RBFOX1: variants seen among roughly 807,000 people sequenced by gnomAD.
RBFOX1 encodes the protein RNA binding protein fox-1 homolog 1.
In RBFOX1, 8 loss-of-function variants were observed where a neutral mutation model predicts 57.7. The observed-to-expected ratio is 0.14, with a 90% CI of 0.08 to 0.25. RBFOX1 has a LOEUF of 0.25. Among genes scored for constraint, RBFOX1 ranks in the 10% least tolerant of loss-of-function variants. The probability of loss-of-function intolerance (pLI) is 1.00; values close to 1 mark genes in which losing one functional copy is unlikely to be tolerated. For missense variants in RBFOX1, 611 were observed against 548.5 expected, an observed-to-expected ratio of 1.11 and a Z score of -1.14; for synonymous variants, 326 against 222.4, an observed-to-expected ratio of 1.47 and a Z score of -4.15.
intron 3 of RBFOX1, among the ~76,000 whole-genome samples, chr16:7,006,978 C>T (rs965788337): frequency 6.6e-6 from 1 of 152,150 alleles, no homozygotes. Flanking sequence ...AGAAGTACCA[C>T]ACATTTGGCA....
At chr16:5,590,054 C>A (rs8053298) in intron 2 of RBFOX1, among the ~76,000 whole-genome samples, 30,580 of 151,770 alleles carry the variant, frequency 0.2, 3,423 homozygotes, top group African/African-American at 0.3. Flanking sequence ...GTTACACACA[C>A]ACACACACAC....
At chr16:7,400,233 T>C (rs2098218160) in intron 4 of RBFOX1, among the ~76,000 whole-genome samples, 1 of 152,114 alleles carries the variant, frequency 6.6e-6, no homozygotes, top group Non-Finnish European at 1.5e-5. Flanking sequence ...AATTGCACCT[T>C]CCCCAAAGCT....
chr16:5,436,352 A>G (rs1485904027), intron 1 of RBFOX1, among the ~76,000 whole-genome samples: 1 of 152,188 alleles, frequency 6.6e-6, no homozygotes, highest in African/African-American at 2.4e-5. Context: ...GGGCTACAGA[A>G]GAGACAGGGT....
chr16:6,968,342 T>G (rs1381320882), intron 3 of RBFOX1, among the ~76,000 whole-genome samples: 12 of 152,188 alleles, frequency 7.9e-5, no homozygotes, highest in African/African-American at 1.9e-4. Context: ...ACATTTCATT[T>G]CTTTTCCTTC....
At chr16:5,833,460 A>T (rs952067327) in intron 3 of RBFOX1, among the ~76,000 whole-genome samples, 1 of 146,866 alleles carries the variant, frequency 6.8e-6, no homozygotes, top group African/African-American at 2.6e-5. Flanking sequence ...GCACCACTGC[A>T]CTCCAGCCTG....
At chr16:5,757,759 T>A (rs1324130868) in intron 3 of RBFOX1, among the ~76,000 whole-genome samples, 1 of 152,210 alleles carries the variant, frequency 6.6e-6, no homozygotes, top group African/African-American at 2.4e-5. Context: ...AAGTGAGGCT[T>A]GAAAAGGTTA....
At chr16:5,493,255 A>G (rs2042893473) in intron 2 of RBFOX1, among the ~76,000 whole-genome samples, 1 of 152,200 alleles carries the variant, frequency 6.6e-6, no homozygotes, top group Non-Finnish European at 1.5e-5. Flanking sequence ...TACATTTTGT[A>G]GAGATGGGAT....
intron 4 of RBFOX1, among the ~76,000 whole-genome samples, chr16:7,492,592 A>C (rs1451065751): frequency 2.0e-5 from 3 of 152,186 alleles, no homozygotes; most frequent in African/African-American, 4.8e-5. Context: ...TGTCCCATCT[A>C]AATCTCATGT....
intron 3 of RBFOX1, among the ~76,000 whole-genome samples, chr16:6,680,940 A>C (rs17728613): frequency 0.11 from 16,667 of 152,290 alleles, 1,318 homozygotes; most frequent in East Asian, 0.28. Context: ...ATTGAGCTGC[A>C]TGATAATTGG....
intron 3 of RBFOX1, among the ~76,000 whole-genome samples, chr16:6,815,562 C>T (rs1350584396): frequency 6.6e-6 from 1 of 152,220 alleles, no homozygotes; most frequent in Non-Finnish European, 1.5e-5. Context: ...TCTATCCATA[C>T]AGTATCTCAT....
chr16:5,371,721 A>T (rs1183080800), intron 1 of RBFOX1, among the ~76,000 whole-genome samples: 1 of 152,190 alleles, frequency 6.6e-6, no homozygotes, highest in Non-Finnish European at 1.5e-5. Flanking sequence ...CCTGCTGGCC[A>T]TGTGGTGAGG....
chr16:7,510,479 A>C (rs1329514287), intron 4 of RBFOX1, among the ~76,000 whole-genome samples: 6 of 102,432 alleles, frequency 5.9e-5, no homozygotes, highest in African/African-American at 1.6e-4. Context: ...GTGTGTGTGT[A>C]TGTGTGTCTG....
intron 2 of RBFOX1, among the ~76,000 whole-genome samples, chr16:6,611,822 C>T (rs1235241698): frequency 1.3e-5 from 2 of 152,096 alleles, no homozygotes; most frequent in African/African-American, 4.8e-5. Context: ...CCTCAGGGCC[C>T]TCCTCCAAGG....
intron 4 of RBFOX1, among the ~76,000 whole-genome samples, chr16:7,446,798 A>ATTTTT (rs34580591): frequency 8.2e-5 from 4 of 49,016 alleles, no homozygotes; most frequent in African/African-American, 1.6e-4. Flanking sequence ...AGGTCTAGGT[A>ATTTTT]TTTTTTTTTT....
chr16:5,985,135 G>A (rs928127203), intron 4 of RBFOX1, among the ~76,000 whole-genome samples: 12 of 150,862 alleles, frequency 8.0e-5, no homozygotes, highest in East Asian at 2.0e-4. Context: ...ACAGGCACCC[G>A]CCACCATACC....
intron 1 of RBFOX1, among the ~76,000 whole-genome samples, chr16:5,465,208 T>A (rs546594637): frequency 3.3e-5 from 5 of 152,266 alleles, no homozygotes; most frequent in African/African-American, 1.2e-4. Context: ...CTGAGGCCCC[T>A]CTCCTTGCCT....
chr16:5,824,967 T>A (rs539058662), intron 3 of RBFOX1, among the ~76,000 whole-genome samples: 1 of 152,270 alleles, frequency 6.6e-6, no homozygotes, highest in African/African-American at 2.4e-5. Context: ...ACTGTGAGGG[T>A]CAACACTCTT....
chr16:6,084,137 C>A (rs993534602), intron 1 of RBFOX1, among the ~76,000 whole-genome samples: 2 of 152,198 alleles, frequency 1.3e-5, no homozygotes, highest in African/African-American at 4.8e-5. Flanking sequence ...ATACCTCCCT[C>A]TTAGGGCACT....
At chr16:7,533,416 TA>T (rs35050316) in intron 5 of RBFOX1, among the ~76,000 whole-genome samples, 6,231 of 150,874 alleles carry the variant, frequency 0.041, 187 homozygotes, top group East Asian at 0.12. Context: ...CTGCATTTTT[TA>T]AAAAAAAAAT....
Sources: gnomAD v4.1 joint callset for allele counts (sites outside exome capture counted in the v4.1 genomes callset) on GRCh38, gnomAD v4.1.1 for gene constraint, MANE v1.5 for transcripts, NCBI Gene and HGNC (gene_info 2026-07-23, HGNC 2026-07-21) for gene names.